Variants in TJP1 observed in about 807,000 individuals in gnomAD.
The protein encoded by TJP1 is tight junction protein ZO-1.
A neutral mutation model predicts 194.2 loss-of-function variants in TJP1; 43 were observed. The ratio of observed to expected loss-of-function variants is 0.22; its 90% CI spans 0.17 to 0.29. The LOEUF is 0.29. Ranked by LOEUF, TJP1 falls within the 10% of genes least tolerant of loss-of-function variation. The pLI is 1.00. For missense variants in TJP1, 1,971 were observed against 2,185.7 expected (o/e 0.90, Z 1.96); for synonymous variants, 801 against 779.0 (o/e 1.03, Z -0.47).
chr15:29,705,849 A>G, intron 25 of TJP1, 104 bp from the exon 26 acceptor site: 1 of 950,228 alleles, frequency 1.1e-6, no homozygotes, highest in East Asian at 2.5e-5. Context: ...TCTCCATATA[A>G]TCAAGAAGTT....
chr15:29,784,952 T>G (rs1231518651), intron 2 of TJP1, among the ~76,000 whole-genome samples: 1 of 152,172 alleles, frequency 6.6e-6, no homozygotes, highest in Non-Finnish European at 1.5e-5. Flanking sequence ...CAGAGGTAGA[T>G]TACTCTGAGG....
intron 2 of TJP1, among the ~76,000 whole-genome samples, chr15:29,867,333 A>C (rs976063117): frequency 1.3e-5 from 2 of 152,228 alleles, no homozygotes. Flanking sequence ...TGATAAGGTC[A>C]TAACCATCAC....
intron 2 of TJP1, among the ~76,000 whole-genome samples, chr15:29,951,808 T>C: frequency 6.6e-6 from 1 of 152,222 alleles, no homozygotes. Flanking sequence ...ATTTTTCTGT[T>C]GGCAGAGAGA....
chr15:29,744,940 G>C lies in TJP1; in HGVS notation c.1011-2159C>G, dbSNP rs367773872. On this transcript the variant is annotated intron_variant, in intron 8 of 27. Coordinates refer to ENST00000614355, the MANE Select transcript of TJP1 (RefSeq NM_001330239.4). ...ATACTAGCTAGGAGAATACAGTAGTGTATTAGAAGACTATCATCAGGGTTA... is the reference window on the plus strand; with the variant it reads ...ATACTAGCTAGGAGAATACAGTAGTCTATTAGAAGACTATCATCAGGGTTA... Among the ~76,000 whole-genome samples the C allele has an allele frequency of 1.1e-3, 160 of 152,208 alleles. 2 individuals are homozygous for C. In the South Asian group the frequency reaches 0.026, roughly 24 times the overall value.
chr15:29,936,948 C>T (rs1327977701), intron 2 of TJP1, among the ~76,000 whole-genome samples: 1 of 152,156 alleles, frequency 6.6e-6, no homozygotes, highest in African/African-American at 2.4e-5. Context: ...TTTCCTTCTC[C>T]AACCAATTTC....
intron 2 of TJP1, among the ~76,000 whole-genome samples, chr15:29,937,889 G>A (rs1190097228): frequency 1.3e-5 from 2 of 152,252 alleles, no homozygotes; most frequent in Non-Finnish European, 2.9e-5. Flanking sequence ...CTAAATCTAG[G>A]TTACACTAAA....
At chr15:29,727,672 T>C (rs1241187332) in intron 16 of TJP1, among the ~76,000 whole-genome samples, 2 of 152,242 alleles carry the variant, frequency 1.3e-5, no homozygotes, top group African/African-American at 4.8e-5. Flanking sequence ...ACTTGAATTG[T>C]ACTGATATAA....
intron 2 of TJP1, among the ~76,000 whole-genome samples, chr15:29,791,059 ACT>A (rs2048047868): frequency 6.6e-6 from 1 of 151,558 alleles, no homozygotes; most frequent in South Asian, 2.1e-4. Context: ...ACGGAGTCTC[ACT>A]CTGTCACCAG....
rs45585834 is a variant in TJP1, at chr15:29,747,056, C to T, written c.1011-4275G>A. On this transcript the variant is annotated intron_variant, in intron 8 of 27. Coordinates refer to ENST00000614355, the MANE Select transcript of TJP1 (RefSeq NM_001330239.4). ...TCCCAGCACTTTGGGAGGCCGAGGT[C>T]GGTGGATCACCTGAGGTCAGGAGTT... Among the ~76,000 whole-genome samples the T allele has an allele frequency of 5.0e-3, 763 of 152,012 alleles. 6 individuals are homozygous for T. The highest frequency in any genetic ancestry group is 0.017 in the African/African-American group (708 of 41,418).
At chr15:29,804,950 T>C (rs1262990470) in intron 1 of TJP1, among the ~76,000 whole-genome samples, 3 of 152,086 alleles carry the variant, frequency 2.0e-5, no homozygotes, top group Non-Finnish European at 4.4e-5. Flanking sequence ...GTGATCTTAA[T>C]TTTCCTCACC....
chr15:29,871,784 C>T (rs2052534159), intron 2 of TJP1, among the ~76,000 whole-genome samples: 1 of 152,214 alleles, frequency 6.6e-6, no homozygotes, highest in South Asian at 2.1e-4. Context: ...GGAGAATGAT[C>T]AACAATCCAC....
At chr15:29,868,646 C>G (rs972795148) in intron 2 of TJP1, among the ~76,000 whole-genome samples, 5 of 152,160 alleles carry the variant, frequency 3.3e-5, no homozygotes, top group African/African-American at 1.2e-4. Context: ...ATGAATGGCG[C>G]TGGTATCCAC....
intron 2 of TJP1, among the ~76,000 whole-genome samples, chr15:29,876,437 C>T (rs143075816): frequency 0.017 from 2,594 of 152,062 alleles, 26 homozygotes; most frequent in Non-Finnish European, 0.026. Context: ...AGGAGAATTG[C>T]TTGAACCCAG....
intron 4 of TJP1, 146 bp from the exon 5 acceptor site, chr15:29,766,688 T>G: frequency 1.4e-6 from 1 of 738,318 alleles, no homozygotes; most frequent in Non-Finnish European, 2.0e-6. Context: ...AACAAATTTC[T>G]AAGGAATACA....
chr15:29,832,242 G>A (rs2050859629), intron 2 of TJP1, among the ~76,000 whole-genome samples: 1 of 152,108 alleles, frequency 6.6e-6, no homozygotes, highest in South Asian at 2.1e-4. Flanking sequence ...TACCACAGGA[G>A]AAGTTCAGAC....
At position 29,946,345 on chromosome 15, in the gene TJP1, G is replaced by A. The variant is rs141529470; in HGVS notation, c.306+9887C>T. Among the ~76,000 whole-genome samples, 5 of 152,346 alleles carry A rather than the reference G, an allele frequency of 3.3e-5. No individual in the cohort carries two copies. In the East Asian group the frequency reaches 9.6e-4, roughly 29 times the overall value. On this transcript the variant is annotated intron_variant, in intron 2 of 28. Transcript: ENST00000356107. ...TCATCCGTGGAGGCCAGGGCTAGTG[G>A]ATGAAAGTCTGATGAGAGACACTGG...
intron 2 of TJP1, among the ~76,000 whole-genome samples, chr15:29,924,699 G>A (rs1256572278): frequency 6.6e-6 from 1 of 152,132 alleles, no homozygotes; most frequent in African/African-American, 2.4e-5. Context: ...AGGAGCAGGG[G>A]CTAATCTGGG....
intron 4 of TJP1, among the ~76,000 whole-genome samples, chr15:29,768,743 T>C (rs574615792): frequency 1.3e-5 from 2 of 152,194 alleles, no homozygotes; most frequent in Non-Finnish European, 2.9e-5. Context: ...TCTCTACTTA[T>C]GAATCAACAG....
chr15:29,885,156 C>T (rs78678367), intron 2 of TJP1, among the ~76,000 whole-genome samples: 2,191 of 152,280 alleles, frequency 0.014, 50 homozygotes, highest in African/African-American at 0.051. Context: ...TTGTAGATCT[C>T]GATCCTGTCC....
Sources: allele counts gnomAD v4.1 joint callset (sites outside exome capture counted in the v4.1 genomes callset), GRCh38; gene constraint gnomAD v4.1.1; transcripts MANE v1.5; gene names NCBI Gene and HGNC (gene_info 2026-07-23, HGNC 2026-07-21).